PSMB5: variants seen among roughly 807,000 people sequenced by gnomAD.
PSMB5 encodes the protein proteasome subunit beta type-5.
Under a neutral mutation model 22.8 loss-of-function variants are expected in PSMB5, and 2 were observed. That is an observed-to-expected ratio of 0.09 (90% CI 0.04 to 0.28). The LOEUF is 0.28. PSMB5 is among the 10% of genes least tolerant of loss of function. The pLI is 1.00. For synonymous variants in PSMB5, 133 were observed against 135.3 expected, an observed-to-expected ratio of 0.98 and a Z score of 0.12; for missense variants, 269 against 343.8, an observed-to-expected ratio of 0.78 and a Z score of 1.72.
At chr14:23,033,285 C>T in intron 2 of PSMB5, 83 bp downstream of exon 2, 1 of 1,412,808 alleles carries the variant, frequency 7.1e-7, no homozygotes, top group Non-Finnish European at 9.7e-7. Context: ...GCATTGACAC[C>T]AAGCCCTTTA....
At chr14:23,031,581 A>G (rs1441157826) in intron 2 of PSMB5, among the ~76,000 whole-genome samples, 1 of 152,256 alleles carries the variant, frequency 6.6e-6, no homozygotes, top group Non-Finnish European at 1.5e-5. Flanking sequence ...TATGGAAGGG[A>G]AAATTAGAAG....
At chr14:23,029,274 G>C (rs2046936608) in intron 2 of PSMB5, among the ~76,000 whole-genome samples, 1 of 151,890 alleles carries the variant, frequency 6.6e-6, no homozygotes, top group Non-Finnish European at 1.5e-5. Context: ...CTCTTGCCTA[G>C]AGGGGGGTCA....
chr14:23,026,990 G>A (rs1337268306), intron 2 of PSMB5, among the ~76,000 whole-genome samples: 1 of 151,782 alleles, frequency 6.6e-6, no homozygotes, highest in Non-Finnish European at 1.5e-5. Flanking sequence ...GCTGATGCAG[G>A]AGAATCACTT....
At chr14:23,027,318 T>C (rs1345088294) in intron 2 of PSMB5, among the ~76,000 whole-genome samples, 1 of 149,344 alleles carries the variant, frequency 6.7e-6, no homozygotes, top group African/African-American at 2.5e-5. Flanking sequence ...GAGGCGGAGC[T>C]TGCGGTGAGC....
intron 2 of PSMB5, 136 bp downstream of exon 2, chr14:23,033,232 A>G: frequency 2.1e-6 from 2 of 959,952 alleles, no homozygotes; most frequent in Non-Finnish European, 3.1e-6. Context: ...AGGAAAAAAA[A>G]AAAGAGAGAA....
intron 2 of PSMB5, among the ~76,000 whole-genome samples, chr14:23,031,997 G>C (rs2046955705): frequency 6.6e-6 from 1 of 152,156 alleles, no homozygotes; most frequent in Non-Finnish European, 1.5e-5. Context: ...GTTGAGGCAG[G>C]AGAATCACTT....
intron 2 of PSMB5, among the ~76,000 whole-genome samples, chr14:23,027,022 C>A (rs554987816): frequency 6.6e-6 from 1 of 151,120 alleles, no homozygotes; most frequent in Non-Finnish European, 1.5e-5. Flanking sequence ...GCAAAGGTTG[C>A]GGTAAGCCAA....
chr14:23,031,399 C>T (rs1256321581), intron 2 of PSMB5, among the ~76,000 whole-genome samples: 3 of 152,180 alleles, frequency 2.0e-5, no homozygotes, highest in African/African-American at 4.8e-5. Context: ...TCCTTTCATC[C>T]TCCATTGGGT....
chr14:23,035,006 G>T, upstream of PSMB5: 1 of 1,435,316 alleles, frequency 7.0e-7, no homozygotes, highest in Non-Finnish European at 9.1e-7. Context: ...TTGACTGCTG[G>T]CAAGCACGCC....
chr14:23,026,547 T>A (rs1000718527), intron 2 of PSMB5, among the ~76,000 whole-genome samples, 172 bp from the exon 3 acceptor site: 4 of 151,900 alleles, frequency 2.6e-5, no homozygotes, highest in African/African-American at 9.7e-5. Flanking sequence ...CCTCCTGGGT[T>A]AAAGTGATTC....
intron 2 of PSMB5, chr14:23,027,725 C>T (rs947773091): frequency 3.6e-5 from 55 of 1,513,948 alleles, no homozygotes; most frequent in Non-Finnish European, 4.6e-5. Flanking sequence ...CCCCATCTCA[C>T]CTTATATTAT....
intron 2 of PSMB5, among the ~76,000 whole-genome samples, chr14:23,029,942 C>G (rs539329657): frequency 6.6e-6 from 1 of 152,158 alleles, no homozygotes; most frequent in South Asian, 2.1e-4. Context: ...CCACCACGCC[C>G]AGCTAATTTT....
rs201311410 is a variant in PSMB5 at position 23,034,843 on chromosome 14, C to G, written c.39G>C (p.Val13=). The G allele has an allele frequency of 1.9e-6, 3 of 1,614,252 alleles. No homozygotes were observed. Among genetic ancestry groups the G allele is most frequent in the Non-Finnish European group, 2.5e-6 (3 of 1,180,032 alleles). ...LASVLERPLP[V]NQRGFFGLGG... ...CAAGTCCGAAAAACCCGCGCTGGTT[C>G]ACCGGTAGCGGTCTCTCCAACACGC... The change falls in exon 1 of 3, where the codon GTG becomes GTC. Residue 13 remains valine, a synonymous_variant. Coordinates refer to ENST00000361611, the MANE Select transcript of PSMB5 (RefSeq NM_002797.5).
At chr14:23,030,097 C>CG (rs1732355840) in intron 2 of PSMB5, among the ~76,000 whole-genome samples, 1 of 151,974 alleles carries the variant, frequency 6.6e-6, no homozygotes, top group African/African-American at 2.4e-5. Context: ...AGGCTGGTCT[C>CG]GAACTCCTGA....
upstream of PSMB5, chr14:23,034,936 G>A: frequency 1.3e-6 from 2 of 1,566,350 alleles, no homozygotes; most frequent in South Asian, 2.3e-5. Context: ...AGATAGGCCG[G>A]GCAACGCCTC....
intron 2 of PSMB5, among the ~76,000 whole-genome samples, chr14:23,031,668 T>C (rs927008377): frequency 6.6e-6 from 1 of 152,164 alleles, no homozygotes; most frequent in African/African-American, 2.4e-5. Flanking sequence ...AAATACAAAG[T>C]TGAACTGTCT....
intron 1 of PSMB5, 35 bp downstream of exon 1, chr14:23,034,649 C>T: frequency 6.2e-7 from 1 of 1,607,976 alleles, no homozygotes; most frequent in Non-Finnish European, 8.5e-7. Flanking sequence ...CGCGGGCGTT[C>T]AGTACTCAGC....
chr14:23,027,654 A>G, intron 2 of PSMB5: 1 of 1,002,146 alleles, frequency 1.0e-6, no homozygotes, highest in Non-Finnish European at 1.4e-6. Context: ...TCTTCAGGAA[A>G]AAAAAAAAAC....
At chr14:23,032,796 C>T (rs2046962869) in intron 2 of PSMB5, among the ~76,000 whole-genome samples, 2 of 150,290 alleles carry the variant, frequency 1.3e-5, no homozygotes, top group Admixed American at 6.6e-5. Flanking sequence ...GACGGGGTTT[C>T]ACCTTGTTAG....
Sources: gnomAD v4.1 joint callset for allele counts (sites outside exome capture counted in the v4.1 genomes callset) on GRCh38, gnomAD v4.1.1 for gene constraint, MANE v1.5 for transcripts, NCBI Gene and HGNC (gene_info 2026-07-23, HGNC 2026-07-21) for gene names.